Variants in MARCHF2 observed in about 807,000 individuals in gnomAD.
MARCHF2 encodes the protein E3 ubiquitin-protein ligase MARCHF2.
In MARCHF2, 22 loss-of-function variants were observed where a neutral mutation model predicts 24.0. The ratio of observed to expected loss-of-function variants is 0.92; its 90% confidence interval spans 0.66 to 1.31. MARCHF2 has a LOEUF of 1.31. MARCHF2 is among the 50% of genes most tolerant of loss of function. The pLI is 0.00. For synonymous variants in MARCHF2, 154 were observed against 153.0 expected (o/e 1.01, Z -0.05); for missense variants, 301 against 335.3 (o/e 0.90, Z 0.80).
At chr19:8,438,325 A>C in intron 4 of MARCHF2, 63 bp from the exon 5 acceptor site, 2 of 1,576,448 alleles carry the variant, frequency 1.3e-6, no homozygotes, top group Non-Finnish European at 1.7e-6. Context: ...AGGTGCCACC[A>C]CGGCGACTTG....
intron 2 of MARCHF2, among the ~76,000 whole-genome samples, chr19:8,422,352 C>T (rs1967270221): frequency 1.3e-5 from 2 of 152,198 alleles, no homozygotes; most frequent in South Asian, 4.1e-4. Context: ...GGACACCTCT[C>T]TCTCTCCCAG....
In MARCHF2 at chr19:8,413,308, C is replaced by G. The variant is rs1429970906; in HGVS notation, c.-165C>G. 2.0e-5 allele frequency: 3 copies of G among 151,914 alleles called. No individual in the cohort carries two copies. The highest frequency in any genetic ancestry group is 6.6e-5 in the Admixed American group (1 of 15,250). 9.4% of individuals were successfully genotyped at this position (151,914 alleles called of 1,614,324 possible). On this transcript the variant is annotated 5_prime_UTR_variant, in exon 1 of 5. Coordinates refer to ENST00000215555, the MANE Select transcript of MARCHF2 (RefSeq NM_001005415.2). The stretch of plus-strand genomic sequence containing the variant: ...GTCGGCTCGGCGGGCGGTGCCCGGA[C>G]GCAGGTGCCGGCCGGAGCGGAGCTA...
intron 4 of MARCHF2, among the ~76,000 whole-genome samples, chr19:8,436,292 G>A (rs1193559534): frequency 4.6e-5 from 7 of 151,910 alleles, no homozygotes; most frequent in Admixed American, 3.3e-4. Flanking sequence ...GTGCCACCAC[G>A]CCCAGCTAAT....
intron 3 of MARCHF2, among the ~76,000 whole-genome samples, chr19:8,429,511 T>C (rs1005281335): frequency 8.7e-6 from 1 of 114,820 alleles, no homozygotes. Context: ...TTATTATTAT[T>C]ATTATTATTT....
Position 8,430,577 on chromosome 19 carries a change from A to G in MARCHF2, c.373-81A>G. Reference sequence around the variant, plus strand: ...AGAAGGAAAGGACAGAGGGAGGCCTAGGCCTGGAGGTCCTTACCCCTCCCC... The same window carrying G: ...AGAAGGAAAGGACAGAGGGAGGCCTGGGCCTGGAGGTCCTTACCCCTCCCC... On this transcript the variant is annotated intron_variant, in intron 3 of 4. Coordinates refer to ENST00000215555, the MANE Select transcript of MARCHF2 (RefSeq NM_001005415.2). The surrounding 1 kb of genome is among the most constrained non-coding windows in gnomAD (Gnocchi z 4.4). The G allele has an allele frequency of 9.1e-7, 1 of 1,100,980 alleles. No homozygotes were observed. The highest frequency in any genetic ancestry group is 1.9e-5 in the Admixed American group (1 of 52,694). The allele number at this position is 1,100,980 out of a possible 1,614,324, so 68.2% of individuals were successfully genotyped here.
chr19:8,426,918 C>A, intron 3 of MARCHF2, 114 bp downstream of exon 3: 5 of 889,908 alleles, frequency 5.6e-6, no homozygotes, highest in Non-Finnish European at 8.5e-6. Flanking sequence ...GAACTCCCTA[C>A]CGCCCCTGTC....
rs748027586 is a variant in MARCHF2, at chr19:8,430,649, C to T, written c.373-9C>T. 1.1e-5 allele frequency: 17 copies of T among 1,604,858 alleles called. No homozygotes were observed. The Admixed American group carries it at 2.3e-4, about 22-fold the overall frequency. ...CCCTCTCCTCTGCCCCCTATCCTCT[C>T]CCCTGCAGTGGCTGAAGGACCCGGG... On this transcript the variant is annotated splice_polypyrimidine_tract_variant and intron_variant, in intron 3 of 4. Transcript: ENST00000215555. This position sits in a 1 kb window ranked among gnomAD's most constrained non-coding sequence, Gnocchi z 4.4.
Position 8,421,800 on chromosome 19 carries a change from C to T in MARCHF2, c.-41C>T, listed in dbSNP as rs1967251083. ...TGGCCTGTTCCCAGGCTCCTGGAAC[C>T]ATGGGCCTCAGGCCCTGAGGATACG... is the stretch of plus-strand genomic sequence containing the variant. On this transcript the variant is annotated 5_prime_UTR_variant, in exon 2 of 5. Coordinates refer to ENST00000215555, the MANE Select transcript of MARCHF2 (RefSeq NM_001005415.2). The T allele has an allele frequency of 6.4e-7, 1 of 1,554,134 alleles. No homozygotes were observed. The highest frequency in any genetic ancestry group is 8.7e-7 in the Non-Finnish European group (1 of 1,149,162).
At chr19:8,438,018 G>A (rs1351639795) in intron 4 of MARCHF2, among the ~76,000 whole-genome samples, 2 of 151,968 alleles carry the variant, frequency 1.3e-5, no homozygotes, top group African/African-American at 2.4e-5. Flanking sequence ...CCCCGTGCCC[G>A]GGCTCCCAAA....
chr19:8,415,224 C>A (rs771412741), intron 1 of MARCHF2, among the ~76,000 whole-genome samples: 1 of 151,694 alleles, frequency 6.6e-6, no homozygotes, highest in Non-Finnish European at 1.5e-5. Flanking sequence ...TGGCAAAACA[C>A]CATTTCTACA....
intron 4 of MARCHF2, among the ~76,000 whole-genome samples, chr19:8,435,164 G>A (rs1464281216): frequency 3.3e-5 from 5 of 151,142 alleles, no homozygotes; most frequent in African/African-American, 1.2e-4. Context: ...GACTACAGGT[G>A]TGCGCCACCA....
intron 2 of MARCHF2, 102 bp downstream of exon 2, chr19:8,422,118 G>C: frequency 8.2e-7 from 1 of 1,223,552 alleles, no homozygotes; most frequent in Non-Finnish European, 1.1e-6. Flanking sequence ...CGTTGACAGA[G>C]GGCCAAGTGG....
intron 4 of MARCHF2, 96 bp from the exon 5 acceptor site, chr19:8,438,292 C>T (rs2145577147): frequency 1.6e-6 from 2 of 1,279,548 alleles, no homozygotes; most frequent in Non-Finnish European, 1.1e-6. Context: ...AGCATGAGCC[C>T]CAGCCATGGT....
chr19:8,423,763 T>A (rs1352084297), intron 2 of MARCHF2: 1 of 151,726 alleles, frequency 6.6e-6, no homozygotes. Flanking sequence ...ACTTTGGAAG[T>A]CCAAGGCTGA....
intron 3 of MARCHF2, among the ~76,000 whole-genome samples, chr19:8,427,314 G>C (rs1967433015): frequency 6.6e-6 from 1 of 151,956 alleles, no homozygotes; most frequent in African/African-American, 2.4e-5. Flanking sequence ...CTCCCAAAGT[G>C]CTGGGATTAC....
chr19:8,434,994 T>C (rs903888287), intron 4 of MARCHF2, among the ~76,000 whole-genome samples: 6 of 151,442 alleles, frequency 4.0e-5, no homozygotes, highest in African/African-American at 1.5e-4. Context: ...GCGTGAGCCA[T>C]TGCGCTAAGC....
intron 4 of MARCHF2, among the ~76,000 whole-genome samples, chr19:8,434,890 G>C (rs1293224769): frequency 1.3e-5 from 2 of 151,676 alleles, no homozygotes; most frequent in African/African-American, 4.8e-5. Flanking sequence ...ATTTTTAGTA[G>C]AGACGAGTTT....
chr19:8,424,407 C>G (rs1267850597), intron 2 of MARCHF2, among the ~76,000 whole-genome samples: 1 of 152,168 alleles, frequency 6.6e-6, no homozygotes, highest in African/African-American at 2.4e-5. Flanking sequence ...GTGGCTCACG[C>G]CTGTAATCCC....
chr19:8,426,852 A>G, intron 3 of MARCHF2, 48 bp downstream of exon 3: 1 of 1,563,556 alleles, frequency 6.4e-7, no homozygotes, highest in Non-Finnish European at 8.7e-7. Flanking sequence ...GAGAGGGCAG[A>G]CATGGGGGCC....
Sources: gnomAD v4.1 joint callset for allele counts (sites outside exome capture counted in the v4.1 genomes callset) on GRCh38, gnomAD v4.1.1 for gene constraint, Gnocchi (gnomAD v3.1) non-coding constraint, MANE v1.5 for transcripts, NCBI Gene and HGNC (gene_info 2026-07-23, HGNC 2026-07-21) for gene names.